The following METAP1 variants were observed in gnomAD, a reference collection of about 807,000 sequenced individuals.
The protein encoded by METAP1 is methionyl aminopeptidase 1.
METAP1 carries 28 observed loss-of-function variants against 53.8 expected under a neutral mutation model. That is an observed-to-expected ratio of 0.52 (90% CI 0.39 to 0.71). METAP1 has a LOEUF of 0.71. Ranked by LOEUF, METAP1 falls within the 30% of genes least tolerant of loss-of-function variation. METAP1 has a pLI of 0.00. For synonymous variants in METAP1, 181 were observed against 165.7 expected (o/e 1.09, Z -0.71); for missense variants, 389 against 479.8 (o/e 0.81, Z 1.77).
At chr4:98,999,352 G>C (rs986125809) in intron 1 of METAP1, among the ~76,000 whole-genome samples, 2 of 151,470 alleles carry the variant, frequency 1.3e-5, no homozygotes, top group African/African-American at 4.9e-5. Flanking sequence ...TTTAAAATGG[G>C]GCTATTAATA....
At chr4:99,010,323 A>G (rs555925951) in intron 1 of METAP1, among the ~76,000 whole-genome samples, 3 of 152,270 alleles carry the variant, frequency 2.0e-5, no homozygotes, top group East Asian at 1.9e-4. Context: ...GCGTGTTGGC[A>G]TGCGCCTGTA....
chr4:99,049,645 AAAGCTGTCCACAGT>A (rs1011933294), intron 9 of METAP1, among the ~76,000 whole-genome samples: 3 of 152,184 alleles, frequency 2.0e-5, no homozygotes, highest in Admixed American at 6.5e-5. Context: ...GTCAGAAATG[AAAGCTGTCCACAGT>A]AAGTGACCTA....
chr4:99,028,744 G>T (rs998776060), intron 1 of METAP1, 123 bp from the exon 2 acceptor site: 12 of 558,876 alleles, frequency 2.1e-5, no homozygotes, highest in African/African-American at 1.7e-4. Flanking sequence ...TATTTAATTC[G>T]CAAAGTTACA....
At chr4:99,044,615 C>G (rs1009186941) in intron 7 of METAP1, among the ~76,000 whole-genome samples, 1 of 151,800 alleles carries the variant, frequency 6.6e-6, no homozygotes. Context: ...TCAATGTGCT[C>G]TCTAGATACA....
intron 6 of METAP1, 147 bp from the exon 7 acceptor site, chr4:99,043,102 A>C (rs980641643): frequency 1.6e-5 from 10 of 619,444 alleles, no homozygotes; most frequent in Admixed American, 1.0e-4. Flanking sequence ...GTTTAAGATA[A>C]TATCCAGTAC....
intron 1 of METAP1, among the ~76,000 whole-genome samples, chr4:98,997,660 A>C (rs1307485586): frequency 1.3e-5 from 2 of 152,252 alleles, no homozygotes; most frequent in Non-Finnish European, 1.5e-5. Context: ...AGGTAGAAAG[A>C]AGGTGAATCA....
intron 1 of METAP1, among the ~76,000 whole-genome samples, chr4:99,012,776 G>C (rs1369977050): frequency 6.6e-6 from 1 of 151,614 alleles, no homozygotes; most frequent in African/African-American, 2.4e-5. Context: ...AGGTGGTTGG[G>C]TTACAGCTTG....
intron 1 of METAP1, among the ~76,000 whole-genome samples, chr4:99,027,809 G>A (rs979391883): frequency 6.6e-5 from 10 of 152,106 alleles, no homozygotes; most frequent in African/African-American, 9.7e-5. Flanking sequence ...TAACTGTTGC[G>A]GGCTGTGGAG....
At chr4:99,011,140 G>A (rs1723446115) in intron 1 of METAP1, among the ~76,000 whole-genome samples, 1 of 151,772 alleles carries the variant, frequency 6.6e-6, no homozygotes, top group African/African-American at 2.4e-5. Context: ...TAATTTGGAT[G>A]CCTTTTATTT....
chr4:99,045,082 T>C (rs1400681164), intron 7 of METAP1, 97 bp from the exon 8 acceptor site: 15 of 1,279,242 alleles, frequency 1.2e-5, no homozygotes, highest in Non-Finnish European at 1.6e-5. Flanking sequence ...AGAAGTTGTC[T>C]TTTTCATTAA....
At chr4:98,999,447 C>G (rs1464751377) in intron 1 of METAP1, among the ~76,000 whole-genome samples, 1 of 143,464 alleles carries the variant, frequency 7.0e-6, no homozygotes, top group East Asian at 2.0e-4. Context: ...AATGTTAGCT[C>G]TTTTTATTGT....
At chr4:99,027,227 A>G (rs1724623546) in intron 1 of METAP1, among the ~76,000 whole-genome samples, 1 of 152,228 alleles carries the variant, frequency 6.6e-6, no homozygotes, top group African/African-American at 2.4e-5. Flanking sequence ...AATAGGAGAA[A>G]TGGTATACAA....
rs1173327825 is a variant in METAP1, at chr4:99,061,561, C to T, written c.*244C>T. The T allele has an allele frequency of 1.8e-5, 6 of 341,804 alleles. No individual in the cohort carries two copies. Among genetic ancestry groups the T allele is most frequent in the Non-Finnish European group, 2.6e-5 (5 of 191,584 alleles). The allele number at this position is 341,804 out of a possible 1,614,324, so 21.2% of individuals were successfully genotyped here. A position where few individuals can be genotyped will look rare whatever the true frequency, so the allele number is the denominator to read the frequency against. On this transcript the variant is annotated 3_prime_UTR_variant, in exon 11 of 11. Transcript: ENST00000296411. Reference sequence around the variant, plus strand: ...CCCTGCACACCTGTTTTCTCATTTGCCCTTTGAGCACTTTTACTTAAACTT... The same window carrying T: ...CCCTGCACACCTGTTTTCTCATTTGTCCTTTGAGCACTTTTACTTAAACTT...
chr4:99,048,269 C>T (rs1726418348), intron 8 of METAP1, among the ~76,000 whole-genome samples: 1 of 152,198 alleles, frequency 6.6e-6, no homozygotes, highest in South Asian at 2.1e-4. Context: ...AGAACTTTAC[C>T]AATTACTGGC....
intron 1 of METAP1, chr4:99,022,430 C>A: frequency 1.6e-6 from 1 of 621,170 alleles, no homozygotes; most frequent in Non-Finnish European, 2.7e-6. Flanking sequence ...GCCAGGTGAG[C>A]CCATTCACAC....
At chr4:99,033,630 T>G (rs1399404235) in intron 2 of METAP1, among the ~76,000 whole-genome samples, 2 of 152,212 alleles carry the variant, frequency 1.3e-5, no homozygotes, top group Non-Finnish European at 2.9e-5. Context: ...CTCCCTTGTC[T>G]TTGCCTTTTT....
At chr4:99,000,551 T>A (rs1285466022) in intron 1 of METAP1, among the ~76,000 whole-genome samples, 1 of 152,158 alleles carries the variant, frequency 6.6e-6, no homozygotes, top group African/African-American at 2.4e-5. Flanking sequence ...TAAAAATCTT[T>A]GAGGGGAAAT....
chr4:99,053,863 CATTAAT>C (rs911132048), intron 9 of METAP1, among the ~76,000 whole-genome samples: 2 of 150,560 alleles, frequency 1.3e-5, no homozygotes, highest in African/African-American at 4.9e-5. Flanking sequence ...TAGGTTTCAG[CATTAAT>C]ATTATTAATT....
At chr4:99,019,182 G>A (rs1255339760) in intron 1 of METAP1, among the ~76,000 whole-genome samples, 2 of 152,162 alleles carry the variant, frequency 1.3e-5, no homozygotes, top group African/African-American at 4.8e-5. Context: ...GATAATAGTA[G>A]CTCTTCTGGA....
Sources: gnomAD v4.1 joint callset for allele counts (sites outside exome capture counted in the v4.1 genomes callset) on GRCh38, gnomAD v4.1.1 for gene constraint, MANE v1.5 for transcripts, NCBI Gene and HGNC (gene_info 2026-07-23, HGNC 2026-07-21) for gene names.